The following OGT variants were observed in gnomAD, a reference collection of about 807,000 sequenced individuals.
OGT encodes the protein O-linked N-acetylglucosamine (GlcNAc) transferase.
A neutral mutation model predicts 75.8 loss-of-function variants in OGT; 3 were observed. The ratio of observed to expected loss-of-function variants is 0.04; its 90% CI spans 0.02 to 0.10. OGT has a LOEUF of 0.10. Among genes scored for constraint, OGT ranks in the 10% least tolerant of loss-of-function variants. The probability of loss-of-function intolerance (pLI) is 1.00; values close to 1 mark genes in which losing one functional copy is unlikely to be tolerated. For missense variants in OGT, 260 were observed against 824.4 expected, an observed-to-expected ratio of 0.32 and a Z score of 8.38; for synonymous variants, 257 against 289.7, an observed-to-expected ratio of 0.89 and a Z score of 1.15.
intron 12 of OGT, among the ~76,000 whole-genome samples, chrX:71,558,536 T>G (rs1023360477): frequency 3.7e-5 from 4 of 109,521 alleles, no homozygotes; most frequent in African/African-American, 1.3e-4. Flanking sequence ...AATTTTTGTA[T>G]TTTTAGTAGA....
At chrX:71,568,230 C>T in intron 21 of OGT, 114 bp downstream of exon 21, 1 of 574,504 alleles carries the variant, frequency 1.7e-6, no homozygotes, top group Non-Finnish European at 2.5e-6. Context: ...GTTGTATGCC[C>T]TCTGGATGGG....
chrX:71,555,567 C>T (rs902732641), intron 7 of OGT, among the ~76,000 whole-genome samples, 182 bp downstream of exon 7: 1 of 111,444 alleles, frequency 9.0e-6, no homozygotes, highest in African/African-American at 3.3e-5. Flanking sequence ...ACAAGAAATA[C>T]AAAAATTAGC....
intron 14 of OGT, among the ~76,000 whole-genome samples, chrX:71,561,463 C>CA (rs111787118): frequency 4.3e-4 from 38 of 89,214 alleles, no homozygotes; most frequent in Non-Finnish European, 6.0e-4. Flanking sequence ...CCATCCCTAC[C>CA]AAAAAAAAAA....
intron 19 of OGT, among the ~76,000 whole-genome samples, chrX:71,566,791 A>G (rs2040419556): frequency 8.9e-6 from 1 of 112,613 alleles, no homozygotes; most frequent in Non-Finnish European, 1.9e-5. Context: ...TTAATGTGAT[A>G]CATACACACA....
At chrX:71,539,067 A>G (rs1209333329) in intron 3 of OGT, among the ~76,000 whole-genome samples, 1 of 112,575 alleles carries the variant, frequency 8.9e-6, no homozygotes, top group African/African-American at 3.2e-5. Flanking sequence ...GTATTAATAG[A>G]TATTAAAACC....
intron 5 of OGT, among the ~76,000 whole-genome samples, chrX:71,550,701 A>G (rs2040297558): frequency 8.9e-6 from 1 of 112,093 alleles, no homozygotes; most frequent in African/African-American, 3.2e-5. Flanking sequence ...ACTCTGTGTA[A>G]TTGTTTCCTT....
At chrX:71,568,810 A>G (rs919972591) in intron 21 of OGT, among the ~76,000 whole-genome samples, 20 of 106,053 alleles carry the variant, frequency 1.9e-4, no homozygotes, top group African/African-American at 6.3e-4. Flanking sequence ...CCTGGGTGAC[A>G]TAGTGAGACT....
intron 4 of OGT, chrX:71,546,824 G>C (rs2040262806): frequency 4.0e-6 from 3 of 753,426 alleles, no homozygotes; most frequent in African/African-American, 2.3e-5. Flanking sequence ...AATGCGCATT[G>C]CGTGCGAATG....
chrX:71,550,047 A>G (rs1283970276), intron 5 of OGT, among the ~76,000 whole-genome samples: 1 of 112,214 alleles, frequency 8.9e-6, no homozygotes, highest in Non-Finnish European at 1.9e-5. Flanking sequence ...TAAATCTATG[A>G]GCTTATAATT....
chrX:71,548,325 TAAG>T (rs1204793349), intron 5 of OGT, among the ~76,000 whole-genome samples: 4 of 111,418 alleles, frequency 3.6e-5, no homozygotes, highest in Non-Finnish European at 7.5e-5. Flanking sequence ...TATTATAAAA[TAAG>T]AAGGAGGCTG....
In OGT at chrX:71,560,933, C is replaced by CT. The variant is rs1274625056; in HGVS notation, c.1852-831dup. 7.5e-4 allele frequency among the ~76,000 whole-genome samples: 78 copies of CT among 103,976 alleles called. No homozygotes were observed. In the Middle Eastern group the frequency reaches 0.015, roughly 19 times the overall value. 90.3% of individuals were successfully genotyped at this position (103,976 alleles called of 115,157 possible). A position where few individuals can be genotyped will look rare whatever the true frequency, so the allele number is the denominator to read the frequency against. ...ACTAAATAGAAGTGAATTACTCACC[C>CT]TTTTTTTTTTTGAGATGGAGTTTTG... On this transcript the variant is annotated intron_variant, in intron 14 of 21. Transcript: ENST00000373719.
chrX:71,574,767 T>C lies in OGT; in HGVS notation c.*973T>C, dbSNP rs2147699999. ...TCCTTTCTAAAGTTTTTTTTTTTTT[T>C]TTTTAAGTGAGTCCTGTTCTTCCTA... On this transcript the variant is annotated 3_prime_UTR_variant, in exon 22 of 22. Transcript: ENST00000373719. The C allele has an allele frequency of 9.2e-6, 1 of 109,141 alleles. No homozygotes were observed. Among genetic ancestry groups the C allele is most frequent in the African/African-American group, 3.3e-5 (1 of 29,931 alleles). The allele number at this position is 109,141 out of a possible 1,213,427, so 9.0% of individuals were successfully genotyped here.
intron 14 of OGT, among the ~76,000 whole-genome samples, chrX:71,560,963 T>A (rs1422266066): frequency 9.1e-6 from 1 of 110,205 alleles, no homozygotes; most frequent in Admixed American, 9.7e-5. Flanking sequence ...GTTTTGCTCT[T>A]GTCGCCCAGG....
chrX:71,561,964 T>C, intron 15 of OGT, 64 bp downstream of exon 15: 1 of 1,031,217 alleles, frequency 9.7e-7, no homozygotes. Context: ...GAGGTGCTGC[T>C]TTTCCTCCCT....
chrX:71,544,724 C>A, intron 4 of OGT, 89 bp downstream of exon 4: 1 of 731,622 alleles, frequency 1.4e-6, no homozygotes, highest in Non-Finnish European at 2.1e-6. Context: ...GAGCTATCTT[C>A]ACAAAACAGT....
At chrX:71,571,992 A>G (rs1438434934) in intron 21 of OGT, among the ~76,000 whole-genome samples, 1 of 107,648 alleles carries the variant, frequency 9.3e-6, no homozygotes, top group African/African-American at 3.4e-5. Flanking sequence ...GATGGTCTTG[A>G]TCTCCTGACC....
At chrX:71,552,938 A>T (rs1266480500) in intron 5 of OGT, among the ~76,000 whole-genome samples, 9 of 111,485 alleles carry the variant, frequency 8.1e-5, no homozygotes, top group Non-Finnish European at 1.5e-4. Context: ...GGAGACTTGG[A>T]CGTAATGTTC....
At chrX:71,558,936 G>T (rs868627070) in intron 12 of OGT, among the ~76,000 whole-genome samples, 1 of 100,535 alleles carries the variant, frequency 9.9e-6, no homozygotes, top group Non-Finnish European at 2.0e-5. Flanking sequence ...ACCACGCCCA[G>T]CTAATTTTTT....
At chrX:71,549,084 T>G (rs747961708) in intron 5 of OGT, among the ~76,000 whole-genome samples, 2 of 108,582 alleles carry the variant, frequency 1.8e-5, no homozygotes, top group African/African-American at 6.7e-5. Flanking sequence ...GCGGGCAGAT[T>G]GCTTGAGCTT....
Sources: gnomAD v4.1 joint callset for allele counts (sites outside exome capture counted in the v4.1 genomes callset) on GRCh38, gnomAD v4.1.1 for gene constraint, MANE v1.5 for transcripts, NCBI Gene and HGNC (gene_info 2026-07-23, HGNC 2026-07-21) for gene names.